MACF1: variants seen among roughly 807,000 people sequenced by gnomAD.
MACF1 encodes microtubule-actin cross-linking factor 1.
A neutral mutation model predicts 854.8 loss-of-function variants in MACF1; 193 were observed. The ratio of observed to expected loss-of-function variants is 0.23; its 90% CI spans 0.20 to 0.25. MACF1 has a LOEUF of 0.25. Among genes scored for constraint, MACF1 ranks in the 10% least tolerant of loss-of-function variants. The pLI is 1.00. For synonymous variants in MACF1, 3,185 were observed against 3,226.7 expected (o/e 0.99, Z 0.44); for missense variants, 7,722 against 8,929.1 (o/e 0.86, Z 5.45).
At chr1:39,093,305 CTTTTTTTTTTTTTTTT>C (rs34921076) in intron 2 of MACF1, among the ~76,000 whole-genome samples, 1 of 54,122 alleles carries the variant, frequency 1.8e-5, no homozygotes, top group African/African-American at 7.1e-5. Flanking sequence ...TACTCCACTT[CTTTTTTTTTTTTTTTT>C]TTTTTTTTTT....
chr1:39,224,645 A>G (rs1644691973), intron 1 of MACF1, among the ~76,000 whole-genome samples: 1 of 152,158 alleles, frequency 6.6e-6, no homozygotes, highest in South Asian at 2.1e-4. Context: ...TCAGAAGCCA[A>G]CAGGAGAGAA....
At chr1:39,110,045 C>CA (rs141312163) in intron 2 of MACF1, among the ~76,000 whole-genome samples, 12,088 of 151,588 alleles carry the variant, frequency 0.08, 530 homozygotes, top group Non-Finnish European at 0.089. Context: ...AAATAAAATA[C>CA]AAAAAATACA....
chr1:39,343,277 C>T (rs1288913305), intron 40 of MACF1, among the ~76,000 whole-genome samples: 1 of 152,138 alleles, frequency 6.6e-6, no homozygotes, highest in Non-Finnish European at 1.5e-5. Flanking sequence ...GAAATGTCCC[C>T]TCCTTCTATT....
At chr1:39,306,336 C>G (rs1646175056) in intron 23 of MACF1, among the ~76,000 whole-genome samples, 1 of 151,998 alleles carries the variant, frequency 6.6e-6, no homozygotes, top group Admixed American at 6.6e-5. Flanking sequence ...CCATGTTGGC[C>G]AGGCTGGTCT....
upstream of MACF1, among the ~76,000 whole-genome samples, chr1:39,202,781 G>A (rs1174770200): frequency 1.3e-5 from 2 of 152,084 alleles, no homozygotes; most frequent in African/African-American, 4.8e-5. Context: ...TAGTATGTAA[G>A]TTCTGTGAGA....
chr1:39,135,850 A>G (rs931524118), intron 2 of MACF1, among the ~76,000 whole-genome samples: 7 of 152,102 alleles, frequency 4.6e-5, no homozygotes, highest in African/African-American at 1.7e-4. Flanking sequence ...CTTTGCTCCT[A>G]CTATGAATGG....
intron 2 of MACF1, among the ~76,000 whole-genome samples, chr1:39,148,431 TAATA>T (rs1004129730): frequency 6.6e-6 from 1 of 152,176 alleles, no homozygotes; most frequent in African/African-American, 2.4e-5. Flanking sequence ...GATTTTAAAA[TAATA>T]AATAAAAATA....
chr1:39,301,463 T>C (rs1044426544), intron 22 of MACF1, among the ~76,000 whole-genome samples: 3 of 151,944 alleles, frequency 2.0e-5, no homozygotes, highest in Admixed American at 6.6e-5. Context: ...TCTCGCTCTG[T>C]GGCCCAGGCT....
At chr1:39,123,560 G>A (rs1215313991) in intron 2 of MACF1, among the ~76,000 whole-genome samples, 1 of 149,056 alleles carries the variant, frequency 6.7e-6, no homozygotes, top group Non-Finnish European at 1.5e-5. Flanking sequence ...TTTTCTTGAG[G>A]CAGAGTCTTA....
chr1:39,360,022 T>A (rs1420773980), intron 47 of MACF1, among the ~76,000 whole-genome samples: 173 of 36,842 alleles, frequency 4.7e-3, no homozygotes, highest in Middle Eastern at 0.011. Flanking sequence ...AATATATATA[T>A]ATATATATAT....
At chr1:39,205,626 C>T (rs765556860) in intron 1 of MACF1, among the ~76,000 whole-genome samples, 2 of 151,882 alleles carry the variant, frequency 1.3e-5, no homozygotes, top group East Asian at 1.9e-4. Context: ...TGGAAGGGGT[C>T]GTGCGATGTC....
chr1:39,459,362 A>T, intron 91 of MACF1, 113 bp downstream of exon 91: 1 of 1,138,032 alleles, frequency 8.8e-7, no homozygotes. Flanking sequence ...CTTTTTCACA[A>T]TAGAAACAGA....
chr1:39,136,587 CT>C (rs1488042234), intron 2 of MACF1, among the ~76,000 whole-genome samples: 1 of 152,146 alleles, frequency 6.6e-6, no homozygotes, highest in African/African-American at 2.4e-5. Context: ...GTGCACCCCC[CT>C]GTGCAAATTG....
intron 2 of MACF1, among the ~76,000 whole-genome samples, chr1:39,248,992 C>A (rs372842600): frequency 6.6e-6 from 1 of 152,126 alleles, no homozygotes; most frequent in East Asian, 1.9e-4. Context: ...AGGGATCCTC[C>A]TGCCTTGGCC....
At chr1:39,411,671 A>G in intron 58 of MACF1, 4 of 1,613,914 alleles carry the variant, frequency 2.5e-6, no homozygotes, top group Non-Finnish European at 3.4e-6. Flanking sequence ...ATGTTTCTTG[A>G]ACTTGAAAAG....
chr1:39,355,414 A>G (rs1647455717), intron 44 of MACF1, among the ~76,000 whole-genome samples: 1 of 149,128 alleles, frequency 6.7e-6, no homozygotes, highest in Admixed American at 6.7e-5. Context: ...TCACTATCTA[A>G]TTGAGCAAGA....
At position 39,178,192 on chromosome 1, in the gene MACF1, T is replaced by TC. The variant is rs199834822; in HGVS notation, c.221-52990_221-52989insC. Among the ~76,000 whole-genome samples, 754 of 151,578 alleles carry TC rather than the reference T, an allele frequency of 5.0e-3. 9 individuals carry two copies. The highest frequency in any genetic ancestry group is 0.017 in the African/African-American group (708 of 41,352). ...TCCTTTTCAACATTCTTTTTTTTTT[T>TC]TTTTTGGTTAAATTTTACTTTAAGT... On this transcript the variant is annotated intron_variant, in intron 2 of 93. Coordinates refer to the MACF1 transcript ENST00000361689.
intron 45 of MACF1, 133 bp from the exon 46 acceptor site, chr1:39,358,564 A>G: frequency 2.6e-6 from 2 of 772,756 alleles, no homozygotes; most frequent in Non-Finnish European, 4.3e-6. Flanking sequence ...CCATCTATCC[A>G]TGGGTTCTGG....
Position 39,282,277 on chromosome 1 carries a change from CAGA to C in MACF1, c.601_603del (p.Lys201del). The C allele has an allele frequency of 6.2e-7, 1 of 1,614,072 alleles. No individual in the cohort carries two copies. The highest frequency in any genetic ancestry group is 8.5e-7 in the Non-Finnish European group (1 of 1,179,972). The stretch of plus-strand genomic sequence containing the variant: ...CAAGGAGAAACTACTCCTGTGGACC[CAGA>C]AGGTGACAGCTGGTTACACAGGAAT... On this transcript the variant is annotated inframe_deletion, in exon 7 of 101. Coordinates refer to ENST00000564288, the MANE Select transcript of MACF1 (RefSeq NM_001394062.1).
Sources: allele counts gnomAD v4.1 joint callset (sites outside exome capture counted in the v4.1 genomes callset), GRCh38; gene constraint gnomAD v4.1.1; transcripts MANE v1.5; gene names NCBI Gene and HGNC (gene_info 2026-07-23, HGNC 2026-07-21).